ITGB1: variants seen among roughly 807,000 people sequenced by gnomAD.
The protein encoded by ITGB1 is integrin beta-1.
Under a neutral mutation model 86.5 loss-of-function variants are expected in ITGB1, and 24 were observed. The ratio of observed to expected loss-of-function variants is 0.28; its 90% confidence interval spans 0.20 to 0.39. ITGB1 has a LOEUF of 0.39. ITGB1 is among the 10% of genes least tolerant of loss of function. The pLI is 1.00. For synonymous variants in ITGB1, 323 were observed against 316.8 expected (o/e 1.02, Z -0.21); for missense variants, 556 against 946.9 (o/e 0.59, Z 5.42).
chr10:32,914,203 C>G (rs1473430860), intron 11 of ITGB1, among the ~76,000 whole-genome samples: 2 of 152,138 alleles, frequency 1.3e-5, no homozygotes, highest in South Asian at 4.2e-4. Context: ...CCAGCCACTG[C>G]AAAAACATGC....
rs1232308444 is a variant in ITGB1, at chr10:32,900,767, AATAAATTCAACTCAAAAGGTCCCC to A, written c.*779_*802del. 1.3e-5 allele frequency: 2 copies of A among 149,736 alleles called. No individual in the cohort carries two copies. The highest frequency in any genetic ancestry group is 3.0e-5 in the Non-Finnish European group (2 of 66,848). The allele number at this position is 149,736 out of a possible 1,614,324, so 9.3% of individuals were successfully genotyped here. On this transcript the variant is annotated 3_prime_UTR_variant, in exon 16 of 16. Transcript: ENST00000302278. ...ACATTAAACAAAATAAAAATAATAA[AATAAATTCAACTCAAAAGGTCCCC>A]ATTCAGCAAATACTTTGTAAAGTAT...
chr10:32,930,535 A>AT (rs1394892450), intron 3 of ITGB1, among the ~76,000 whole-genome samples: 1 of 152,168 alleles, frequency 6.6e-6, no homozygotes, highest in Non-Finnish European at 1.5e-5. Context: ...TAATTATTGC[A>AT]TTTTTTAAAA....
chr10:32,943,885 G>A (rs947840285), intron 1 of ITGB1, among the ~76,000 whole-genome samples: 1 of 152,194 alleles, frequency 6.6e-6, no homozygotes, highest in Non-Finnish European at 1.5e-5. Context: ...TGATCTTGTG[G>A]AAAACTTTTG....
chr10:32,915,926 G>C (rs535718321), intron 11 of ITGB1, among the ~76,000 whole-genome samples: 2 of 152,266 alleles, frequency 1.3e-5, no homozygotes, highest in African/African-American at 4.8e-5. Flanking sequence ...TAAAATACTG[G>C]CAAACCAAAT....
intron 1 of ITGB1, among the ~76,000 whole-genome samples, chr10:32,949,932 T>TTGTAACATA (rs201818146): frequency 6.6e-6 from 1 of 152,098 alleles, no homozygotes; most frequent in East Asian, 1.9e-4. Flanking sequence ...TAGAAAAAAA[T>TTGTAACATA]TGTAACATAT....
rs755380814 is a variant in ITGB1, at chr10:32,929,421, G to A, written c.376+401C>T. On this transcript the variant is annotated intron_variant, in intron 4 of 15. Coordinates refer to ENST00000302278, the MANE Select transcript of ITGB1 (RefSeq NM_002211.4). ...TTTTTTCCTTCATGTTTAGATGTGG[G>A]ACTAACAGACATAATTACAAAAACC... Among the ~76,000 whole-genome samples the A allele has an allele frequency of 7.7e-4, 117 of 152,102 alleles. 2 individuals are homozygous for A. Among genetic ancestry groups the A allele is most frequent in the Non-Finnish European group, 1.4e-3 (98 of 68,000 alleles).
intron 1 of ITGB1, among the ~76,000 whole-genome samples, chr10:32,942,380 A>G (rs2095020452): frequency 6.6e-6 from 1 of 152,234 alleles, no homozygotes; most frequent in Non-Finnish European, 1.5e-5. Flanking sequence ...GAGAGCCTGC[A>G]ATGGTGAGAG....
At chr10:32,908,863 T>C (rs949322663) in intron 14 of ITGB1, among the ~76,000 whole-genome samples, 2 of 152,196 alleles carry the variant, frequency 1.3e-5, no homozygotes, top group African/African-American at 4.8e-5. Context: ...TAAGAATTAC[T>C]AAATACTGAT....
intron 11 of ITGB1, among the ~76,000 whole-genome samples, chr10:32,913,709 CAGG>C (rs1346517422): frequency 6.6e-6 from 1 of 152,174 alleles, no homozygotes; most frequent in Non-Finnish European, 1.5e-5. Flanking sequence ...CAGAAAGTGA[CAGG>C]GAGAATGGAA....
At chr10:32,912,723 A>G (rs935536978) in intron 11 of ITGB1, among the ~76,000 whole-genome samples, 2 of 152,224 alleles carry the variant, frequency 1.3e-5, no homozygotes, top group African/African-American at 2.4e-5. Context: ...TCTGTAGACA[A>G]CACCTCTGGG....
intron 1 of ITGB1, among the ~76,000 whole-genome samples, chr10:32,938,698 T>A (rs970831329): frequency 1.3e-5 from 2 of 152,184 alleles, no homozygotes; most frequent in African/African-American, 4.8e-5. Flanking sequence ...ATGACAGATG[T>A]CAACGATCCT....
chr10:32,952,920 A>C (rs999717750), intron 1 of ITGB1, among the ~76,000 whole-genome samples: 1 of 152,174 alleles, frequency 6.6e-6, no homozygotes, highest in Non-Finnish European at 1.5e-5. Context: ...ATTGTAACTA[A>C]TTGTATTCAT....
At chr10:32,914,740 A>G (rs1355419744) in intron 11 of ITGB1, among the ~76,000 whole-genome samples, 1 of 152,188 alleles carries the variant, frequency 6.6e-6, no homozygotes, top group Non-Finnish European at 1.5e-5. Context: ...CACATTGTCA[A>G]CATTAGACAG....
At chr10:32,913,575 G>T (rs992462208) in intron 11 of ITGB1, among the ~76,000 whole-genome samples, 3 of 152,132 alleles carry the variant, frequency 2.0e-5, no homozygotes, top group Admixed American at 6.6e-5. Context: ...ATCAGTGATT[G>T]AAGATCAAAT....
At chr10:32,921,988 A>G (rs998087349) in intron 9 of ITGB1, among the ~76,000 whole-genome samples, 1 of 152,226 alleles carries the variant, frequency 6.6e-6, no homozygotes, top group African/African-American at 2.4e-5. Flanking sequence ...GCTTTCTAAC[A>G]AGGAGATCTA....
At chr10:32,934,497 T>C (rs1021449670) in intron 2 of ITGB1, among the ~76,000 whole-genome samples, 10 of 152,180 alleles carry the variant, frequency 6.6e-5, no homozygotes, top group African/African-American at 2.4e-4. Flanking sequence ...ATGGATACCA[T>C]AGGGCAACAC....
In ITGB1 at chr10:32,920,058, T is replaced by C; in HGVS notation, c.1296A>G (p.Ser432=). ...CAGAATCCTTTTTTGGACACTTATT[T>C]GAAGTTATGCTAATTTCAAATTGAA... ...DEVQFEISIT[S]NKCPKKDSDS... is the part of the protein sequence containing the mutation. The change falls in exon 11 of 16, where the codon TCA becomes TCG. Residue 432 remains serine, a synonymous_variant. Coordinates refer to ENST00000302278, the MANE Select transcript of ITGB1 (RefSeq NM_002211.4). The C allele has an allele frequency of 6.2e-7, 1 of 1,613,984 alleles. No homozygotes were observed.
In ITGB1 at chr10:32,917,236, A is replaced by G. The variant is rs149806579; in HGVS notation, c.1469+2649T>C. 7.7e-3 allele frequency among the ~76,000 whole-genome samples: 1,167 copies of G among 152,318 alleles called. 7 individuals are homozygous for G. The highest frequency in any genetic ancestry group is 0.02 in the Middle Eastern group (6 of 294). ...AGATGTCAGACCTAAAACCATAAAA[A>G]CCTCAGAAGAAAATCTAGGCAATAC... On this transcript the variant is annotated intron_variant, in intron 11 of 15. Coordinates refer to ENST00000302278, the MANE Select transcript of ITGB1 (RefSeq NM_002211.4).
intron 15 of ITGB1, among the ~76,000 whole-genome samples, chr10:32,906,768 T>C (rs1037853794): frequency 6.6e-6 from 1 of 152,084 alleles, no homozygotes; most frequent in African/African-American, 2.4e-5. Flanking sequence ...TTGAGAGAAG[T>C]GAAGTGACTC....
Sources: allele counts gnomAD v4.1 joint callset (sites outside exome capture counted in the v4.1 genomes callset), GRCh38; gene constraint gnomAD v4.1.1; transcripts MANE v1.5; gene names NCBI Gene and HGNC (gene_info 2026-07-23, HGNC 2026-07-21).